The following DPYSL2 variants were observed in gnomAD, a reference collection of about 807,000 sequenced individuals.
DPYSL2 encodes the protein dihydropyrimidinase-related protein 2.
A neutral mutation model predicts 69.9 loss-of-function variants in DPYSL2; 13 were observed. That is an observed-to-expected ratio of 0.19 (90% CI 0.12 to 0.30). The LOEUF (loss-of-function observed/expected upper bound fraction) is 0.30, where lower values mean the gene tolerates loss of function less well. DPYSL2 is among the 10% of genes least tolerant of loss of function. The pLI, the probability that DPYSL2 is intolerant of heterozygous loss-of-function variation, is 1.00. For missense variants in DPYSL2, 587 were observed against 918.9 expected, an observed-to-expected ratio of 0.64 and a Z score of 4.67; for synonymous variants, 326 against 359.1, an observed-to-expected ratio of 0.91 and a Z score of 1.04.
chr8:26,546,811 C>G (rs1415745626), intron 1 of DPYSL2, among the ~76,000 whole-genome samples: 1 of 149,792 alleles, frequency 6.7e-6, no homozygotes, highest in African/African-American at 2.5e-5. Context: ...GTCCCAGCTA[C>G]TCAGGAGGCT....
chr8:26,514,573 C>G lies in DPYSL2; in HGVS notation c.248C>G (p.Ser83Trp). Residue 83 changes from serine to tryptophan, a missense_variant, in exon 1 of 14, where the codon TCG (serine) becomes TGG (tryptophan). Physicochemically the swap from Ser to Trp is radical, Grantham distance 177 (BLOSUM62 -3). Around this residue, in one of 3 missense-constraint regions of DPYSL2, gnomAD observed 85 missense variants for 77.7 expected, o/e 1.09. Coordinates refer to ENST00000521913, the MANE Select transcript of DPYSL2 (RefSeq NM_001197293.3). The surrounding 1 kb of genome is among the most constrained non-coding windows in gnomAD (Gnocchi z 8.4). ...GGCCCGGACCCGCAGCCGCCGTACTCGCGGCAGGGCCGGCGCGCCGGCGGA... is the reference window on the plus strand; with the variant it reads ...GGCCCGGACCCGCAGCCGCCGTACTGGCGGCAGGGCCGGCGCGCCGGCGGA... ...HLGPDPQPPY[S>W]RQGRRAGGEP... 6.6e-7 allele frequency: 1 copy of G among 1,524,860 alleles called. No individual in the cohort carries two copies. Among genetic ancestry groups the G allele is most frequent in the East Asian group, 2.5e-5 (1 of 40,246 alleles). 94.5% of individuals were successfully genotyped at this position (1,524,860 alleles called of 1,614,324 possible). A position where few individuals can be genotyped will look rare whatever the true frequency, so the allele number is the denominator to read the frequency against.
chr8:26,521,791 C>A (rs1585486336), intron 1 of DPYSL2, among the ~76,000 whole-genome samples: 1 of 152,056 alleles, frequency 6.6e-6, no homozygotes, highest in East Asian at 1.9e-4. Context: ...CCTTTTGTGT[C>A]TGCTTTTGTT....
rs1162357880 is a variant in DPYSL2, at chr8:26,597,419, G to T, written c.628+13436G>T. ...CGTGGGCTTTTATGAGGTTCATTAG[G>T]CTCAGCACCTCCCATGTCTGCTTGG... is the stretch of plus-strand genomic sequence containing the variant. On this transcript the variant is annotated intron_variant, in intron 3 of 13. Transcript: ENST00000521913. The surrounding 1 kb of genome is among the most constrained non-coding windows in gnomAD (Gnocchi z 5.2). Among the ~76,000 whole-genome samples the T allele has an allele frequency of 6.6e-6, 1 of 152,126 alleles. No individual in the cohort carries two copies. The highest frequency in any genetic ancestry group is 2.4e-5 in the African/African-American group (1 of 41,422).
Position 26,584,095 on chromosome 8 carries a change from A to G in DPYSL2, c.628+112A>G, listed in dbSNP as rs1006811331. 16 of 1,038,548 alleles carry G rather than the reference A, an allele frequency of 1.5e-5. No homozygotes were observed. The African/African-American group carries it at 1.6e-4, about 10-fold the overall frequency. The allele number at this position is 1,038,548 out of a possible 1,614,324, so 64.3% of individuals were successfully genotyped here. A position where few individuals can be genotyped will look rare whatever the true frequency, so the allele number is the denominator to read the frequency against. ...ACTTGCTGTCCTGAGCCACAGTTCAATCTACCAAATAAGGGGGTGAGGATG... is the reference window on the plus strand; with the variant it reads ...ACTTGCTGTCCTGAGCCACAGTTCAGTCTACCAAATAAGGGGGTGAGGATG... On this transcript the variant is annotated intron_variant, in intron 3 of 13. Transcript: ENST00000521913.
Position 26,644,216 on chromosome 8 carries a change from T to A in DPYSL2, c.1425+125T>A, listed in dbSNP as rs550712686. 7 of 1,144,722 alleles carry A rather than the reference T, an allele frequency of 6.1e-6. No individual in the cohort carries two copies. The African/African-American group carries it at 1.1e-4, about 18-fold the overall frequency. The allele number at this position is 1,144,722 out of a possible 1,614,324, so 70.9% of individuals were successfully genotyped here. ...TGGAGGACATCCTAGAAGCCAGTAC[T>A]TATATGACAATATTTCTGAGGGTTG... is the stretch of plus-strand genomic sequence containing the variant. On this transcript the variant is annotated intron_variant, in intron 10 of 13. Transcript: ENST00000521913. The surrounding 1 kb of genome is among the most constrained non-coding windows in gnomAD (Gnocchi z 4.5).
intron 4 of DPYSL2, among the ~76,000 whole-genome samples, chr8:26,625,506 A>G (rs327224): frequency 0.95 from 145,315 of 152,176 alleles, 69,564 homozygotes; most frequent in Non-Finnish European, 0.99. Context: ...CTTGAATTAA[A>G]CTCCAAGGCT....
At chr8:26,534,541 G>A (rs1010726758) in intron 1 of DPYSL2, among the ~76,000 whole-genome samples, 2 of 152,162 alleles carry the variant, frequency 1.3e-5, no homozygotes, top group African/African-American at 4.8e-5. Flanking sequence ...GTGTGGCTGT[G>A]TGGCCTTGGT....
intron 3 of DPYSL2, among the ~76,000 whole-genome samples, chr8:26,607,338 A>C (rs528382832): frequency 1.4e-4 from 22 of 151,926 alleles, no homozygotes; most frequent in African/African-American, 5.1e-4. Flanking sequence ...TACAAAAATT[A>C]ACCGGGCATG....
rs1314376430 is a variant in DPYSL2 at position 26,615,753 on chromosome 8, A to C, written c.629-8390A>C. ...CATGAAAAATGCTGGGATGTATGTT[A>C]TTTTTACTGTTTCAAAGATGAAAAA... is the stretch of plus-strand genomic sequence containing the variant. On this transcript the variant is annotated intron_variant, in intron 3 of 13. Transcript: ENST00000521913. Among the ~76,000 whole-genome samples the C allele has an allele frequency of 3.9e-5, 6 of 152,138 alleles. 1 individual carries two copies. Among genetic ancestry groups the C allele is most frequent in the Admixed American group, 3.9e-4 (6 of 15,266 alleles).
At chr8:26,541,793 C>G (rs1345670315) in intron 1 of DPYSL2, among the ~76,000 whole-genome samples, 1 of 151,784 alleles carries the variant, frequency 6.6e-6, no homozygotes, top group African/African-American at 2.4e-5. Context: ...AAGAAAAAAA[C>G]CTGTAACAGA....
chr8:26,521,209 T>G (rs1470094351), intron 1 of DPYSL2, among the ~76,000 whole-genome samples: 1 of 152,226 alleles, frequency 6.6e-6, no homozygotes, highest in Non-Finnish European at 1.5e-5. Flanking sequence ...AATACTGTCT[T>G]ACGTGCAAGT....
At chr8:26,636,428 T>C (rs1175741007) in intron 8 of DPYSL2, among the ~76,000 whole-genome samples, 1 of 152,262 alleles carries the variant, frequency 6.6e-6, no homozygotes, top group African/African-American at 2.4e-5. Context: ...ATTTTACTAC[T>C]GCGCTGTACC....
chr8:26,581,976 G>A lies in DPYSL2; in HGVS notation c.362G>A (p.Arg121His), dbSNP rs765937076. The A allele has an allele frequency of 1.9e-6, 3 of 1,613,666 alleles. No homozygotes were observed. The highest frequency in any genetic ancestry group is 2.2e-5 in the East Asian group (1 of 44,878). The change falls in exon 2 of 14, where the codon CGT (arginine) becomes CAT (histidine). Residue 121 changes from arginine (R) to histidine (H), a missense_variant. This residue lies in a region of DPYSL2 where 452 missense variants were observed against 754.3 expected (regional missense o/e 0.60). Coordinates refer to ENST00000521913, the MANE Select transcript of DPYSL2 (RefSeq NM_001197293.3). ...ACTGCCTCTTTGTTTCAGAGCGATC[G>A]TCTTCTGATCAAAGGAGGTAAAATT... ...ALQNINDQSD[R>H]LLIKGGKIVN...
rs747321973 is a variant in DPYSL2 at position 26,588,636 on chromosome 8, G to A, written c.628+4653G>A. Reference sequence around the variant, plus strand: ...GGGGACTGGACTCTAGCAGGGAGGAGGAGGGGAGGTGCTGCTGCCGCAGGG... The same window carrying A: ...GGGGACTGGACTCTAGCAGGGAGGAAGAGGGGAGGTGCTGCTGCCGCAGGG... On this transcript the variant is annotated intron_variant, in intron 3 of 13. Coordinates refer to ENST00000521913, the MANE Select transcript of DPYSL2 (RefSeq NM_001197293.3). The surrounding 1 kb of genome is among the most constrained non-coding windows in gnomAD (Gnocchi z 5.4). Among the ~76,000 whole-genome samples, 5 of 152,122 alleles carry A rather than the reference G, an allele frequency of 3.3e-5. No individual in the cohort carries two copies. Among genetic ancestry groups the A allele is most frequent in the Admixed American group, 6.5e-5 (1 of 15,278 alleles).
intron 1 of DPYSL2, among the ~76,000 whole-genome samples, chr8:26,521,688 C>G (rs1808387421): frequency 6.6e-6 from 1 of 152,172 alleles, no homozygotes; most frequent in Non-Finnish European, 1.5e-5. Context: ...CCCCCATCCC[C>G]TAGCAATCAC....
chr8:26,560,657 T>A lies in DPYSL2; in HGVS notation c.355-21312T>A, dbSNP rs1801056686. ...AACCAGGTTCATCTCTATGCTTTAA[T>A]AGAAGCATTAAAACAGTAAGCAGCC... is the stretch of plus-strand genomic sequence containing the variant. On this transcript the variant is annotated intron_variant, in intron 1 of 13. Transcript: ENST00000521913. This position sits in a 1 kb window ranked among gnomAD's most constrained non-coding sequence, Gnocchi z 4.4. Among the ~76,000 whole-genome samples the A allele has an allele frequency of 6.6e-6, 1 of 152,182 alleles. No individual in the cohort carries two copies.
In DPYSL2 at chr8:26,657,729, T is replaced by A. The variant is rs1803425383; in HGVS notation, c.*2023T>A. 6.6e-6 allele frequency: 1 copy of A among 152,670 alleles called. No homozygotes were observed. Among genetic ancestry groups the A allele is most frequent in the African/African-American group, 2.4e-5 (1 of 41,458 alleles). 9.5% of individuals were successfully genotyped at this position (152,670 alleles called of 1,614,324 possible). The stretch of plus-strand genomic sequence containing the variant: ...TTCACTTGAGTCTTCCTGTTTTTCC[T>A]GTACCGGGTCATGGTAATTTTTGGT... On this transcript the variant is annotated 3_prime_UTR_variant, in exon 14 of 14. Coordinates refer to ENST00000521913, the MANE Select transcript of DPYSL2 (RefSeq NM_001197293.3).
intron 1 of DPYSL2, chr8:26,548,496 T>C (rs1347207881): frequency 6.5e-6 from 1 of 154,188 alleles, no homozygotes; most frequent in African/African-American, 2.4e-5. Context: ...GTCCCCTCTC[T>C]CACAGTAGAC....
chr8:26,539,201 A>T (rs895165837), intron 1 of DPYSL2, among the ~76,000 whole-genome samples: 1 of 152,232 alleles, frequency 6.6e-6, no homozygotes, highest in African/African-American at 2.4e-5. Flanking sequence ...ACTAAAATGC[A>T]CATATAAAAC....
Sources: allele counts gnomAD v4.1 joint callset (sites outside exome capture counted in the v4.1 genomes callset), GRCh38; gene constraint gnomAD v4.1.1; regional missense constraint gnomAD v4.1.1; non-coding constraint Gnocchi (gnomAD v3.1); transcripts MANE v1.5; gene names NCBI Gene and HGNC (gene_info 2026-07-23, HGNC 2026-07-21).